The following PRIMPOL variants were observed in gnomAD, a reference collection of about 807,000 sequenced individuals.
The protein encoded by PRIMPOL is primase and DNA directed polymerase.
A neutral mutation model predicts 63.6 loss-of-function variants in PRIMPOL; 54 were observed. The observed-to-expected ratio is 0.85, with a 90% CI of 0.68 to 1.07. The LOEUF is 1.07. Among genes scored for constraint, PRIMPOL ranks in the 50% least tolerant of loss-of-function variants. PRIMPOL has a pLI of 0.00. For missense variants in PRIMPOL, 610 were observed against 648.3 expected, an observed-to-expected ratio of 0.94 and a Z score of 0.64; for synonymous variants, 197 against 220.2, an observed-to-expected ratio of 0.89 and a Z score of 0.93.
chr4:184,690,227 AGTTT>A (rs1241567642), intron 11 of PRIMPOL, among the ~76,000 whole-genome samples: 4 of 152,182 alleles, frequency 2.6e-5, no homozygotes, highest in African/African-American at 9.6e-5. Context: ...AAGTTTGCTT[AGTTT>A]ATTTTTATGT....
At chr4:184,654,237 G>T (rs1745559214) in intron 2 of PRIMPOL, among the ~76,000 whole-genome samples, 1 of 152,218 alleles carries the variant, frequency 6.6e-6, no homozygotes, top group African/African-American at 2.4e-5. Context: ...ATACTAGCTA[G>T]ATTCAGATGT....
At chr4:184,660,011 G>C (rs1747833393) in intron 4 of PRIMPOL, among the ~76,000 whole-genome samples, 1 of 151,700 alleles carries the variant, frequency 6.6e-6, no homozygotes, top group African/African-American at 2.4e-5. Context: ...AGTAGAGACG[G>C]GGTTTCACCA....
chr4:184,661,698 C>T (rs1748359760), intron 4 of PRIMPOL, 76 bp from the exon 5 acceptor site: 7 of 961,350 alleles, frequency 7.3e-6, no homozygotes, highest in Non-Finnish European at 1.1e-5. Context: ...AGAGCTGACT[C>T]AGTCTCAGTC....
chr4:184,665,043 G>C (rs1244828852), intron 5 of PRIMPOL, among the ~76,000 whole-genome samples: 2 of 152,124 alleles, frequency 1.3e-5, no homozygotes, highest in Non-Finnish European at 2.9e-5. Context: ...TAAACTGACG[G>C]CAGTTCATAA....
At chr4:184,653,837 T>A (rs1367037604) in intron 2 of PRIMPOL, among the ~76,000 whole-genome samples, 1 of 152,222 alleles carries the variant, frequency 6.6e-6, no homozygotes, top group Non-Finnish European at 1.5e-5. Context: ...AGGGGAGGGA[T>A]GAGGAATGTG....
intron 11 of PRIMPOL, among the ~76,000 whole-genome samples, chr4:184,686,185 A>G (rs540803711): frequency 2.0e-5 from 3 of 152,356 alleles, no homozygotes; most frequent in East Asian, 3.9e-4. Context: ...TGCTTCTAGC[A>G]TGTCAGCTTT....
intron 5 of PRIMPOL, among the ~76,000 whole-genome samples, chr4:184,662,121 T>C (rs552035914): frequency 6.6e-6 from 1 of 152,102 alleles, no homozygotes. Flanking sequence ...TTTTGCTGTC[T>C]GGTAAAAAAA....
intron 7 of PRIMPOL, 145 bp downstream of exon 7, chr4:184,672,605 G>A (rs924336423): frequency 1.9e-5 from 15 of 787,034 alleles, no homozygotes; most frequent in Non-Finnish European, 3.1e-5. Context: ...GAGTTCAGGT[G>A]CTGGGAATCT....
At chr4:184,673,218 C>T (rs1752333060) in intron 7 of PRIMPOL, among the ~76,000 whole-genome samples, 1 of 151,480 alleles carries the variant, frequency 6.6e-6, no homozygotes. Context: ...CAAGCTCCGC[C>T]TCCCGGGTTC....
Position 184,694,530 on chromosome 4 carries a change from G to C in PRIMPOL, c.1434G>C (p.Glu478Asp), listed in dbSNP as rs766849859. Residue 478 changes from glutamate (E) to aspartate (D), a missense_variant, in exon 14 of 14, where the codon GAG becomes GAC. Physicochemically the swap from Glu to Asp is conservative, Grantham distance 45. Around this residue, in one of 3 missense-constraint regions of PRIMPOL, gnomAD observed 444 missense variants for 456.4 expected, o/e 0.97. Transcript: ENST00000314970. ...CLLFLFKEEE[E>D]FTTDEADETR... is the part of the protein sequence containing the mutation. ...TCACCACTGAAATAAAGGAAGAAGA[G>C]TTTACAACAGATGAAGCAGATGAAA... 32 of 1,611,252 alleles carry C rather than the reference G, an allele frequency of 2.0e-5. No individual in the cohort carries two copies. Among genetic ancestry groups the C allele is most frequent in the Non-Finnish European group, 2.6e-5 (31 of 1,179,194 alleles).
intron 3 of PRIMPOL, among the ~76,000 whole-genome samples, chr4:184,659,023 T>C (rs749753153): frequency 2.0e-5 from 3 of 152,172 alleles, no homozygotes; most frequent in Non-Finnish European, 1.5e-5. Context: ...AAGTTTAATT[T>C]CATAAACTAA....
intron 2 of PRIMPOL, among the ~76,000 whole-genome samples, chr4:184,654,452 A>AGTTTTTTTTTTTT (rs144139751): frequency 0.88 from 110,264 of 125,432 alleles, 48,170 homozygotes; most frequent in East Asian, 0.97. Context: ...AAGTTAAAGC[A>AGTTTTTTTTTTTT]GTTTTTTTTT....
intron 6 of PRIMPOL, among the ~76,000 whole-genome samples, chr4:184,667,212 A>G (rs546269046): frequency 6.6e-6 from 1 of 152,302 alleles, no homozygotes; most frequent in East Asian, 1.9e-4. Flanking sequence ...CTGGTAGCTC[A>G]GCTGGACGTT....
At chr4:184,662,206 C>T (rs1230486937) in intron 5 of PRIMPOL, among the ~76,000 whole-genome samples, 1 of 152,022 alleles carries the variant, frequency 6.6e-6, no homozygotes, top group Non-Finnish European at 1.5e-5. Context: ...ACTTCCATTA[C>T]GAATAGCTGA....
intron 2 of PRIMPOL, 74 bp from the exon 3 acceptor site, chr4:184,657,008 T>A: frequency 1.5e-6 from 1 of 654,454 alleles, no homozygotes; most frequent in Non-Finnish European, 2.3e-6. Flanking sequence ...AGGAAGTGAG[T>A]TTTGAAACTT....
chr4:184,689,467 T>G (rs1410209130), intron 11 of PRIMPOL, among the ~76,000 whole-genome samples: 1 of 144,980 alleles, frequency 6.9e-6, no homozygotes, highest in Non-Finnish European at 1.5e-5. Context: ...TTTTTTTTTT[T>G]TTTGAGATGG....
chr4:184,680,001 C>A (rs1049394438), intron 8 of PRIMPOL, among the ~76,000 whole-genome samples: 7 of 152,108 alleles, frequency 4.6e-5, no homozygotes, highest in Admixed American at 1.3e-4. Context: ...TATTCAAAGA[C>A]CTGCTAGATG....
At chr4:184,686,684 C>T (rs960899000) in intron 11 of PRIMPOL, among the ~76,000 whole-genome samples, 2 of 152,080 alleles carry the variant, frequency 1.3e-5, no homozygotes, top group Non-Finnish European at 2.9e-5. Flanking sequence ...GTCAAAGCAA[C>T]TCCCGTATCC....
intron 7 of PRIMPOL, among the ~76,000 whole-genome samples, chr4:184,674,670 A>T (rs1305989572): frequency 2.0e-5 from 3 of 152,236 alleles, no homozygotes; most frequent in Non-Finnish European, 4.4e-5. Flanking sequence ...TAACATAAAC[A>T]GTTGATTAAC....
Sources: allele counts gnomAD v4.1 joint callset (sites outside exome capture counted in the v4.1 genomes callset), GRCh38; gene constraint gnomAD v4.1.1; regional missense constraint gnomAD v4.1.1; transcripts MANE v1.5; gene names NCBI Gene and HGNC (gene_info 2026-07-23, HGNC 2026-07-21).